The following KALRN variants were observed in gnomAD, a reference collection of about 807,000 sequenced individuals.
KALRN encodes the protein kalirin RhoGEF kinase, also known as kalirin.
A neutral mutation model predicts 353.7 loss-of-function variants in KALRN; 70 were observed. The observed-to-expected ratio is 0.20, with a 90% CI of 0.16 to 0.24. The LOEUF (loss-of-function observed/expected upper bound fraction) is 0.24. KALRN is among the 10% of genes least tolerant of loss of function. KALRN has a pLI of 1.00. For synonymous variants in KALRN, 1,391 were observed against 1,434.8 expected (o/e 0.97, Z 0.69); for missense variants, 2,791 against 3,756.7 (o/e 0.74, Z 6.72).
intron 5 of KALRN, among the ~76,000 whole-genome samples, chr3:124,286,419 A>T (rs1229118835): frequency 1.3e-5 from 2 of 151,554 alleles, no homozygotes; most frequent in Non-Finnish European, 2.9e-5. Context: ...GCCTGGCTAT[A>T]TTTTTGTCTT....
chr3:124,610,917 C>T (rs2077881359), intron 34 of KALRN, among the ~76,000 whole-genome samples: 1 of 151,996 alleles, frequency 6.6e-6, no homozygotes, highest in Non-Finnish European at 1.5e-5. Context: ...GTCCCAATTA[C>T]TGGGAAGCTG....
intron 1 of KALRN, among the ~76,000 whole-genome samples, chr3:124,060,774 G>T (rs1037318712): frequency 6.6e-6 from 1 of 152,250 alleles, no homozygotes; most frequent in Non-Finnish European, 1.5e-5. Context: ...CCAACTCAAG[G>T]GAGGGATGGC....
At chr3:124,047,673 T>TTA (rs2040627847) in intron 1 of KALRN, among the ~76,000 whole-genome samples, 4 of 150,022 alleles carry the variant, frequency 2.7e-5, no homozygotes, top group African/African-American at 9.9e-5. Context: ...TTTTTTATTT[T>TTA]TTTTTATTTT....
intron 10 of KALRN, among the ~76,000 whole-genome samples, chr3:124,366,922 G>A (rs1244430733): frequency 2.9e-5 from 4 of 140,278 alleles, no homozygotes; most frequent in African/African-American, 1.1e-4. Flanking sequence ...GTGGCTGGCC[G>A]GGCAGAGGGG....
intron 1 of KALRN, among the ~76,000 whole-genome samples, chr3:124,195,234 C>G (rs2075312703): frequency 2.6e-5 from 4 of 152,138 alleles, no homozygotes; most frequent in Admixed American, 2.6e-4. Context: ...CTGATGGGGG[C>G]TTGCCAGACC....
intron 54 of KALRN, 43 bp from the exon 55 acceptor site, chr3:124,697,550 G>A (rs1301384560): frequency 1.3e-6 from 2 of 1,535,456 alleles, no homozygotes; most frequent in South Asian, 1.3e-5. Flanking sequence ...AAAATGCCAA[G>A]TTCTGCAGAA....
At chr3:124,298,575 C>A (rs1465242133) in intron 5 of KALRN, among the ~76,000 whole-genome samples, 1 of 152,070 alleles carries the variant, frequency 6.6e-6, no homozygotes, top group South Asian at 2.1e-4. Context: ...TGTAATGCAA[C>A]ACAGCGGCTG....
chr3:124,414,063 G>T (rs1008019276), intron 14 of KALRN, among the ~76,000 whole-genome samples: 3 of 151,956 alleles, frequency 2.0e-5, no homozygotes, highest in Non-Finnish European at 4.4e-5. Flanking sequence ...CTGAGACCAT[G>T]CGACTGCACT....
chr3:124,253,103 G>C (rs1306715617), intron 3 of KALRN, among the ~76,000 whole-genome samples: 1 of 152,164 alleles, frequency 6.6e-6, no homozygotes, highest in East Asian at 1.9e-4. Flanking sequence ...GTGTGGCTTG[G>C]GGCAATCAGC....
intron 6 of KALRN, among the ~76,000 whole-genome samples, chr3:124,315,519 TG>T (rs1302067654): frequency 2.0e-5 from 3 of 152,098 alleles, no homozygotes; most frequent in African/African-American, 7.2e-5. Flanking sequence ...TCTCCCTCAC[TG>T]CTGGTTCTCT....
At chr3:124,235,995 GA>G (rs1441650030) in intron 3 of KALRN, among the ~76,000 whole-genome samples, 9 of 152,332 alleles carry the variant, frequency 5.9e-5, no homozygotes, top group Admixed American at 5.9e-4. Context: ...AAGAAGAGAT[GA>G]ATGTAAAGGA....
intron 1 of KALRN, among the ~76,000 whole-genome samples, chr3:124,151,321 G>T (rs1230564538): frequency 6.6e-6 from 1 of 152,116 alleles, no homozygotes; most frequent in East Asian, 1.9e-4. Flanking sequence ...ACTTCCCATT[G>T]TTTCATACCT....
chr3:124,144,875 C>A (rs1578571341), intron 1 of KALRN, among the ~76,000 whole-genome samples: 1 of 152,174 alleles, frequency 6.6e-6, no homozygotes, highest in African/African-American at 2.4e-5. Flanking sequence ...ACAATCCAAG[C>A]AGCCATTAAA....
At chr3:124,215,333 G>T (rs1239879462) in intron 1 of KALRN, among the ~76,000 whole-genome samples, 1 of 152,176 alleles carries the variant, frequency 6.6e-6, no homozygotes, top group Admixed American at 6.5e-5. Context: ...CACACAGATG[G>T]GTGTGAGCAG....
At chr3:124,661,100 C>T in intron 44 of KALRN, 127 bp downstream of exon 44, 1 of 726,130 alleles carries the variant, frequency 1.4e-6, no homozygotes, top group Non-Finnish European at 2.5e-6. Context: ...GTAAGAGGCT[C>T]TTGTAAACAG....
intron 1 of KALRN, chr3:124,099,446 T>C (rs1013686921): frequency 9.9e-5 from 15 of 152,246 alleles, no homozygotes; most frequent in African/African-American, 3.6e-4. Context: ...ATTTTCTTTA[T>C]CTATTCACCC....
intron 3 of KALRN, among the ~76,000 whole-genome samples, chr3:124,247,344 A>G (rs958725919): frequency 6.6e-6 from 1 of 152,206 alleles, no homozygotes; most frequent in Non-Finnish European, 1.5e-5. Context: ...AGCAACCAAT[A>G]AGCAAGGATT....
chr3:124,667,529 T>G (rs1237244174), intron 47 of KALRN, among the ~76,000 whole-genome samples: 144 of 152,306 alleles, frequency 9.5e-4, no homozygotes, highest in Non-Finnish European at 1.0e-4. Context: ...CTAGAAATGA[T>G]ATGTGTTTTT....
chr3:124,274,478 C>T (rs1407237010), intron 5 of KALRN, among the ~76,000 whole-genome samples: 1 of 152,206 alleles, frequency 6.6e-6, no homozygotes, highest in Non-Finnish European at 1.5e-5. Context: ...CTGATGTCTA[C>T]CCAGGAGGCC....
Sources: gnomAD v4.1 joint callset for allele counts (sites outside exome capture counted in the v4.1 genomes callset) on GRCh38, gnomAD v4.1.1 for gene constraint, MANE v1.5 for transcripts, NCBI Gene and HGNC (gene_info 2026-07-23, HGNC 2026-07-21) for gene names.